Variants in GRK5 observed in about 807,000 individuals in gnomAD.
GRK5 encodes G protein-coupled receptor kinase 5, also known as g protein-coupled receptor kinase GRK5.
In GRK5, 40 loss-of-function variants were observed where a neutral mutation model predicts 78.4. The ratio of observed to expected loss-of-function variants is 0.51; its 90% CI spans 0.40 to 0.66. The LOEUF (loss-of-function observed/expected upper bound fraction) is 0.66. Ranked by LOEUF, GRK5 falls within the 30% of genes least tolerant of loss-of-function variation. The pLI, the probability that GRK5 is intolerant of heterozygous loss-of-function variation, is 0.00. For missense variants in GRK5, 598 were observed against 759.9 expected (o/e 0.79, Z 2.50); for synonymous variants, 289 against 296.8 (o/e 0.97, Z 0.27).
intron 5 of GRK5, among the ~76,000 whole-genome samples, chr10:119,424,194 AC>A (rs1178404801): frequency 3.3e-5 from 5 of 151,982 alleles, no homozygotes; most frequent in Admixed American, 6.6e-5. Context: ...GGTGACTCTG[AC>A]CCTGAGGGAA....
intron 1 of GRK5, among the ~76,000 whole-genome samples, chr10:119,241,260 G>T (rs1040182361): frequency 9.9e-5 from 15 of 152,274 alleles, no homozygotes; most frequent in African/African-American, 3.4e-4. Context: ...CCACGTGAGG[G>T]GTTGGCTCTG....
chr10:119,275,587 G>GCTCTCTCT (rs143881383), intron 1 of GRK5, among the ~76,000 whole-genome samples: 3,951 of 130,382 alleles, frequency 0.03, 138 homozygotes, highest in African/African-American at 0.08. Context: ...GCGTGTGCAC[G>GCTCTCTCT]CTCTCTCTCT....
chr10:119,391,392 C>G (rs1397166871), intron 3 of GRK5, among the ~76,000 whole-genome samples: 2 of 152,218 alleles, frequency 1.3e-5, no homozygotes, highest in Non-Finnish European at 2.9e-5. Context: ...TCTGAAGCAC[C>G]GTGCAGGGCA....
rs1554918541 is a variant in GRK5 at position 119,408,363 on chromosome 10, A to AT, written c.339+11591_339+11592insT. On this transcript the variant is annotated intron_variant, in intron 4 of 15. Transcript: ENST00000392870. ...TCTCAAAAAAAAAAAAAAAAAAAAAAGGCAGAAAACACAGATGCAAACAGA... is the reference window on the plus strand; with the variant it reads ...TCTCAAAAAAAAAAAAAAAAAAAAAATGGCAGAAAACACAGATGCAAACAGA... Among the ~76,000 whole-genome samples, 499 of 141,862 alleles carry AT rather than the reference A, an allele frequency of 3.5e-3. 13 individuals carry two copies. Among genetic ancestry groups the AT allele is most frequent in the African/African-American group, 0.011 (433 of 38,114 alleles). The allele number at this position is 141,862 out of a possible 152,430, so 93.1% of individuals were successfully genotyped here. A position where few individuals can be genotyped will look rare whatever the true frequency, so the allele number is the denominator to read the frequency against.
At position 119,379,357 on chromosome 10, in the gene GRK5, G is replaced by A. The variant is rs944852084; in HGVS notation, c.149-1458G>A. ...CAAACCAAGGCAGTTTAGCTCCAGA[G>A]CCCACACTGACACTCACAGCTACCA... is the stretch of plus-strand genomic sequence containing the variant. On this transcript the variant is annotated intron_variant, in intron 2 of 15. Coordinates refer to ENST00000392870, the MANE Select transcript of GRK5 (RefSeq NM_005308.3). The surrounding 1 kb of genome is among the most constrained non-coding windows in gnomAD (Gnocchi z 4.1). Among the ~76,000 whole-genome samples, 1 of 152,120 alleles carries A rather than the reference G, an allele frequency of 6.6e-6. No individual in the cohort carries two copies. Among genetic ancestry groups the A allele is most frequent in the Non-Finnish European group, 1.5e-5 (1 of 68,026 alleles).
At chr10:119,432,642 C>G (rs1217940450) in intron 8 of GRK5, among the ~76,000 whole-genome samples, 3 of 152,166 alleles carry the variant, frequency 2.0e-5, no homozygotes, top group African/African-American at 7.2e-5. Context: ...AATGTTTTTC[C>G]CTTACATTGT....
rs952064825 is a variant in GRK5 at position 119,253,896 on chromosome 10, T to A, written c.52+45927T>A. Among the ~76,000 whole-genome samples the A allele has an allele frequency of 1.3e-5, 2 of 152,072 alleles. No homozygotes were observed. The highest frequency in any genetic ancestry group is 4.8e-5 in the African/African-American group (2 of 41,408). The stretch of plus-strand genomic sequence containing the variant: ...TGTACACATGTGTGTGCGTGCATGC[T>A]TTTTCATGAGGCACACTTATTTTCA... On this transcript the variant is annotated intron_variant, in intron 1 of 15. Transcript: ENST00000392870. The surrounding 1 kb of genome is among the most constrained non-coding windows in gnomAD (Gnocchi z 5.7).
In GRK5 at chr10:119,336,902, G is replaced by T. The variant is rs995132414; in HGVS notation, c.148+10291G>T. Among the ~76,000 whole-genome samples, 5 of 152,154 alleles carry T rather than the reference G, an allele frequency of 3.3e-5. No homozygotes were observed. The highest frequency in any genetic ancestry group is 9.7e-5 in the African/African-American group (4 of 41,446). ...GCTCTCAGGAGGGAAGGGTGGCCCCGCTGTCTTTGCGGTGTTAGTCTCACC... is the reference window on the plus strand; with the variant it reads ...GCTCTCAGGAGGGAAGGGTGGCCCCTCTGTCTTTGCGGTGTTAGTCTCACC... On this transcript the variant is annotated intron_variant, in intron 2 of 15. Coordinates refer to ENST00000392870, the MANE Select transcript of GRK5 (RefSeq NM_005308.3). This position sits in a 1 kb window ranked among gnomAD's most constrained non-coding sequence, Gnocchi z 4.5.
chr10:119,227,426 G>T (rs1848759537), intron 1 of GRK5, among the ~76,000 whole-genome samples: 1 of 152,052 alleles, frequency 6.6e-6, no homozygotes, highest in Non-Finnish European at 1.5e-5. Flanking sequence ...AATTAGCCGG[G>T]CATGGTGGCG....
intron 2 of GRK5, among the ~76,000 whole-genome samples, chr10:119,352,265 C>A (rs1851196868): frequency 6.6e-6 from 1 of 152,150 alleles, no homozygotes; most frequent in Admixed American, 6.5e-5. Context: ...TCCAAGATGG[C>A]AGATAGAGCT....
At chr10:119,453,548 C>A (rs1853339167) in intron 15 of GRK5, among the ~76,000 whole-genome samples, 1 of 152,238 alleles carries the variant, frequency 6.6e-6, no homozygotes, top group African/African-American at 2.4e-5. Context: ...CGGTTAATTC[C>A]TTGTCACAGT....
At chr10:119,388,970 C>G (rs559514462) in intron 3 of GRK5, among the ~76,000 whole-genome samples, 11 of 152,324 alleles carry the variant, frequency 7.2e-5, no homozygotes, top group Non-Finnish European at 1.3e-4. Context: ...GTAGGAGCTG[C>G]AGTGCCCTCT....
At chr10:119,211,604 T>C (rs182875695) in intron 1 of GRK5, 13 of 152,340 alleles carry the variant, frequency 8.5e-5, no homozygotes. Context: ...GGAATATTGA[T>C]CACATTTTCC....
intron 4 of GRK5, among the ~76,000 whole-genome samples, chr10:119,407,767 T>C (rs541295031): frequency 1.3e-5 from 2 of 152,218 alleles, no homozygotes; most frequent in Non-Finnish European, 2.9e-5. Flanking sequence ...CTCATGCCTG[T>C]AATCTCAACA....
chr10:119,415,081 C>CAAAAAA (rs762165768), intron 4 of GRK5, among the ~76,000 whole-genome samples: 90 of 74,020 alleles, frequency 1.2e-3, no homozygotes, highest in Middle Eastern at 8.2e-3. Context: ...GACTCTGTCT[C>CAAAAAA]AAAAAAAAAA....
chr10:119,423,305 G>C lies in GRK5; in HGVS notation c.440+39G>C, dbSNP rs746255814. 8.5e-6 allele frequency: 12 copies of C among 1,417,708 alleles called. No homozygotes were observed. The African/African-American group carries it at 1.1e-4, about 13-fold the overall frequency. 87.8% of individuals were successfully genotyped at this position (1,417,708 alleles called of 1,614,324 possible). ...TCACCTGGCCTGTCCTCCCCGGGCT[G>C]CCCAGAGATGGGATGCCGCAGCTCT... On this transcript the variant is annotated intron_variant, in intron 5 of 15. Coordinates refer to ENST00000392870, the MANE Select transcript of GRK5 (RefSeq NM_005308.3).
chr10:119,360,675 C>T (rs1473684821), intron 2 of GRK5, among the ~76,000 whole-genome samples: 1 of 152,142 alleles, frequency 6.6e-6, no homozygotes, highest in African/African-American at 2.4e-5. Context: ...GTGGGAGGAG[C>T]CCCTCTCGCA....
At position 119,336,402 on chromosome 10, in the gene GRK5, C is replaced by T. The variant is rs1053835520; in HGVS notation, c.148+9791C>T. ...TAACAATGGTTACCCCCAGGGAAGG[C>T]GTGAAGGTCAGAGGGGACACTGGCT... On this transcript the variant is annotated intron_variant, in intron 2 of 15. Transcript: ENST00000392870. This position sits in a 1 kb window ranked among gnomAD's most constrained non-coding sequence, Gnocchi z 4.5. Among the ~76,000 whole-genome samples the T allele has an allele frequency of 3.3e-5, 5 of 152,080 alleles. No individual in the cohort carries two copies. The highest frequency in any genetic ancestry group is 1.9e-4 in the East Asian group (1 of 5,194).
intron 4 of GRK5, among the ~76,000 whole-genome samples, chr10:119,408,020 G>A (rs945282792): frequency 3.3e-5 from 5 of 152,026 alleles, no homozygotes; most frequent in South Asian, 2.1e-4. Flanking sequence ...GAAATTAACC[G>A]GGCGTGGTGG....
Sources: allele counts gnomAD v4.1 joint callset (sites outside exome capture counted in the v4.1 genomes callset), GRCh38; gene constraint gnomAD v4.1.1; non-coding constraint Gnocchi (gnomAD v3.1); transcripts MANE v1.5; gene names NCBI Gene and HGNC (gene_info 2026-07-23, HGNC 2026-07-21).